Variants in C4orf36 observed in about 807,000 individuals in gnomAD.
The protein encoded by C4orf36 is chromosome 4 open reading frame 36, also known as uncharacterized protein C4orf36.
In C4orf36, 11 loss-of-function variants were observed where a neutral mutation model predicts 12.2. That is an observed-to-expected ratio of 0.90 (90% confidence interval 0.57 to 1.49). The LOEUF is 1.49. Among genes scored for constraint, C4orf36 ranks in the 40% most tolerant of loss-of-function variants. The pLI is 0.00. For missense variants in C4orf36, 137 were observed against 133.9 expected (o/e 1.02, Z -0.11); for synonymous variants, 54 against 51.3 (o/e 1.05, Z -0.22).
chr4:86,907,186 G>A, the C4orf36 span, among the ~76,000 whole-genome samples: 1 of 152,148 alleles, frequency 6.6e-6, no homozygotes, highest in Non-Finnish European at 1.5e-5. Context: ...TGATCACTTA[G>A]AGTCTTGTGA....
chr4:86,914,675 A>C, the C4orf36 span: 1 of 350,938 alleles, frequency 2.8e-6, no homozygotes, highest in South Asian at 2.5e-5. Flanking sequence ...TGCTGGAATT[A>C]TAGGCGTGAG....
chr4:86,915,464 G>T, the C4orf36 span, among the ~76,000 whole-genome samples: 2 of 152,130 alleles, frequency 1.3e-5, no homozygotes, highest in Non-Finnish European at 2.9e-5. Context: ...CTTTAGGGTG[G>T]GCCTTAATTC....
At chr4:86,924,967 G>A in the C4orf36 span, 1 of 152,190 alleles carries the variant, frequency 6.6e-6, no homozygotes, top group African/African-American at 2.4e-5. Flanking sequence ...GTAGGCAAAG[G>A]GGGAGCAGGC....
At chr4:86,919,180 G>A in the C4orf36 span, among the ~76,000 whole-genome samples, 4 of 151,136 alleles carry the variant, frequency 2.6e-5, no homozygotes, top group Middle Eastern at 3.4e-3. Flanking sequence ...TATTCTATAC[G>A]TACTAAACTC....
In C4orf36 at chr4:86,891,451, C is replaced by G; in HGVS notation, c.65+5G>C. 1 of 1,612,400 alleles carries G rather than the reference C, an allele frequency of 6.2e-7. No homozygotes were observed. The highest frequency in any genetic ancestry group is 1.3e-5 in the African/African-American group (1 of 74,794). ...CCTGATTTAAAAAAAAAAAATAGTACTTACACATTATAACAACTGCCCCGC... is the reference window on the plus strand; with the variant it reads ...CCTGATTTAAAAAAAAAAAATAGTAGTTACACATTATAACAACTGCCCCGC... On this transcript the variant is annotated splice_donor_5th_base_variant and intron_variant, in intron 2 of 4. Coordinates refer to ENST00000295898, the MANE Select transcript of C4orf36 (RefSeq NM_144645.4).
At chr4:86,879,492 T>A (rs560258989) in intron 4 of C4orf36, among the ~76,000 whole-genome samples, 1 of 152,258 alleles carries the variant, frequency 6.6e-6, no homozygotes, top group East Asian at 1.9e-4. Context: ...TTGAGTCAGA[T>A]AAGCAAAAAG....
chr4:86,913,807 T>C, the C4orf36 span: 2 of 1,092,452 alleles, frequency 1.8e-6, no homozygotes, highest in Non-Finnish European at 2.7e-6. Context: ...CAGTGCATAC[T>C]GACTGGCTTT....
the C4orf36 span, among the ~76,000 whole-genome samples, chr4:86,909,386 A>G: frequency 1.3e-5 from 2 of 152,166 alleles, no homozygotes; most frequent in African/African-American, 2.4e-5. Context: ...CTCCTGTGTC[A>G]GCACTAGAAT....
At chr4:86,924,258 G>T in the C4orf36 span, among the ~76,000 whole-genome samples, 1 of 152,146 alleles carries the variant, frequency 6.6e-6, no homozygotes, top group African/African-American at 2.4e-5. Context: ...GGAGTGCAGT[G>T]GTGTGATCTC....
chr4:86,890,711 C>A (rs1392644846), intron 2 of C4orf36, among the ~76,000 whole-genome samples: 1 of 152,126 alleles, frequency 6.6e-6, no homozygotes, highest in African/African-American at 2.4e-5. Context: ...CCTAATCAAA[C>A]GTTTAAGAAA....
At chr4:86,877,822 G>C (rs750548241) in intron 4 of C4orf36, among the ~76,000 whole-genome samples, 1 of 152,012 alleles carries the variant, frequency 6.6e-6, no homozygotes, top group African/African-American at 2.4e-5. Flanking sequence ...TGATTGTTCC[G>C]CACCTTTATA....
At chr4:86,907,719 G>C in the C4orf36 span, among the ~76,000 whole-genome samples, 1 of 152,126 alleles carries the variant, frequency 6.6e-6, no homozygotes, top group Admixed American at 6.5e-5. Flanking sequence ...CCTCACACCT[G>C]TAATCCTAGC....
chr4:86,876,348 G>A lies in C4orf36; in HGVS notation c.*98C>T. On this transcript the variant is annotated 3_prime_UTR_variant, in exon 5 of 5. Transcript: ENST00000295898. ...GCCGGGCCAGGATGGCTGCAGCGCA[G>A]CGACGGCCGGGGCCGGGAGCGGGTC... The A allele has an allele frequency of 6.4e-7, 1 of 1,554,730 alleles. No homozygotes were observed. Among genetic ancestry groups the A allele is most frequent in the African/African-American group, 1.4e-5 (1 of 73,086 alleles).
At chr4:86,913,270 T>C in the C4orf36 span, 1 of 618,560 alleles carries the variant, frequency 1.6e-6, no homozygotes, top group Non-Finnish European at 3.0e-6. Context: ...CCAGAGGCCC[T>C]GGATGGAAGA....
chr4:86,887,939 A>G (rs746317287), intron 3 of C4orf36, 46 bp from the exon 4 acceptor site: 17 of 1,608,720 alleles, frequency 1.1e-5, no homozygotes, highest in Non-Finnish European at 1.4e-5. Context: ...ATTTTTCATC[A>G]GGCATAACTA....
intron 4 of C4orf36, among the ~76,000 whole-genome samples, chr4:86,882,022 G>A (rs530423950): frequency 6.6e-6 from 1 of 152,138 alleles, no homozygotes; most frequent in Non-Finnish European, 1.5e-5. Context: ...GCCTATATGA[G>A]TTATGCATTG....
intron 4 of C4orf36, among the ~76,000 whole-genome samples, chr4:86,882,281 A>C (rs1747069199): frequency 6.6e-6 from 1 of 152,174 alleles, no homozygotes; most frequent in Non-Finnish European, 1.5e-5. Flanking sequence ...AGGAATATTA[A>C]AATATTTTAT....
At chr4:86,903,667 C>A in the C4orf36 span, among the ~76,000 whole-genome samples, 1 of 152,170 alleles carries the variant, frequency 6.6e-6, no homozygotes, top group Admixed American at 6.6e-5. Flanking sequence ...ACAACCCAAG[C>A]AAGTTGCCGC....
chr4:86,896,576 C>G (rs1179497447), upstream of C4orf36, among the ~76,000 whole-genome samples: 1 of 152,180 alleles, frequency 6.6e-6, no homozygotes, highest in Non-Finnish European at 1.5e-5. Context: ...TCTCACCTGT[C>G]TGGCCACTCC....
Sources: allele counts gnomAD v4.1 joint callset (sites outside exome capture counted in the v4.1 genomes callset), GRCh38; gene constraint gnomAD v4.1.1; transcripts MANE v1.5; gene names NCBI Gene and HGNC (gene_info 2026-07-23, HGNC 2026-07-21).